ANKRD36C: variants seen among roughly 807,000 people sequenced by gnomAD.
The protein encoded by ANKRD36C is ankyrin repeat domain-containing protein 36C.
In ANKRD36C, 61 loss-of-function variants were observed where a neutral mutation model predicts 276.4. That is an observed-to-expected ratio of 0.22 (90% CI 0.18 to 0.27). ANKRD36C has a LOEUF of 0.27. Among genes scored for constraint, ANKRD36C ranks in the 10% least tolerant of loss-of-function variants. The probability of loss-of-function intolerance (pLI) is 1.00; values close to 1 mark genes in which losing one functional copy is unlikely to be tolerated. For missense variants in ANKRD36C, 1,447 were observed against 2,032.3 expected (o/e 0.71, Z 5.54); for synonymous variants, 483 against 680.1 (o/e 0.71, Z 4.51).
chr2:95,920,536 T>G lies in ANKRD36C; in HGVS notation c.2245+1071A>C, dbSNP rs111278309. On this transcript the variant is annotated intron_variant, in intron 34 of 66. Coordinates refer to ENST00000456556, the Ensembl canonical transcript of ANKRD36C. The stretch of plus-strand genomic sequence containing the variant: ...TGTAATAATTTGCCTAAGTTTCTTG[T>G]ATCCACTAGTTTATCCCTCTGAAAC... Among the ~76,000 whole-genome samples the G allele has an allele frequency of 6.8e-4, 90 of 132,266 alleles. 19 individuals are homozygous for G. The highest frequency in any genetic ancestry group is 2.3e-3 in the South Asian group (10 of 4,302). The allele number at this position is 132,266 out of a possible 152,430, so 86.8% of individuals were successfully genotyped here.
intron 59 of ANKRD36C, among the ~76,000 whole-genome samples, chr2:95,870,576 A>G (rs1675784117): frequency 6.6e-6 from 1 of 152,206 alleles, no homozygotes; most frequent in Admixed American, 6.5e-5. Context: ...AAAACAGAGC[A>G]GAAAAACTGG....
rs1479249154 is a variant in ANKRD36C, at chr2:95,946,506, C to T, written c.1363-1332G>A. ...ATTGTGGAAGTCAGTGTGGCGATTC[C>T]TCAGGGATCTAGAACTGGAAATACC... On this transcript the variant is annotated intron_variant, in intron 17 of 66. Transcript: ENST00000456556. Among the ~76,000 whole-genome samples the T allele has an allele frequency of 2.8e-5, 4 of 143,634 alleles. No individual in the cohort carries two copies. In the East Asian group the frequency reaches 8.0e-4, roughly 29 times the overall value. The allele number at this position is 143,634 out of a possible 152,430, so 94.2% of individuals were successfully genotyped here.
At chr2:95,864,091 T>C (rs1675638454) in intron 60 of ANKRD36C, among the ~76,000 whole-genome samples, 1 of 151,830 alleles carries the variant, frequency 6.6e-6, no homozygotes, top group Admixed American at 6.6e-5. Context: ...CAAAAAAATA[T>C]CTGAACCTCC....
chr2:95,991,173 C>A lies in ANKRD36C; in HGVS notation c.197+339G>T, dbSNP rs1436245790. Among the ~76,000 whole-genome samples, 12 of 133,628 alleles carry A rather than the reference C, an allele frequency of 9.0e-5. No individual in the cohort carries two copies. The East Asian group carries it at 2.5e-3, about 28-fold the overall frequency. 87.7% of individuals were successfully genotyped at this position (133,628 alleles called of 152,430 possible). On this transcript the variant is annotated intron_variant, in intron 1 of 66. Coordinates refer to ENST00000456556, the Ensembl canonical transcript of ANKRD36C. ...ATTCACCCCCACACCTCACCCCCAC[C>A]TCCAGTCCTCTATCCCATTGAACCC...
At position 95,884,508 on chromosome 2, in the gene ANKRD36C, G is replaced by A. The variant is rs533833555; in HGVS notation, c.3164-140C>T. On this transcript the variant is annotated intron_variant, in intron 52 of 66. Transcript: ENST00000456556. ...TGATGTTTCCTACTTTGTGTCTGGG[G>A]ATTGGAACATGACAGAAATACACTG... 7.9e-5 allele frequency: 112 copies of A among 1,426,422 alleles called. No homozygotes were observed. In the East Asian group the frequency reaches 2.6e-3, roughly 33 times the overall value. 88.4% of individuals were successfully genotyped at this position (1,426,422 alleles called of 1,614,324 possible).
chr2:95,960,247 T>C (rs1192772531), intron 10 of ANKRD36C, among the ~76,000 whole-genome samples: 3 of 152,042 alleles, frequency 2.0e-5, no homozygotes, highest in Non-Finnish European at 2.9e-5. Context: ...CTCCAATGGT[T>C]CTTCTTCCCA....
intron 58 of ANKRD36C, among the ~76,000 whole-genome samples, chr2:95,877,715 C>G (rs1675985494): frequency 1.2e-5 from 1 of 85,986 alleles, no homozygotes; most frequent in African/African-American, 4.6e-5. Flanking sequence ...ATCAGAGAAA[C>G]TGTTTAAAAT....
intron 6 of ANKRD36C, among the ~76,000 whole-genome samples, chr2:95,970,572 A>T (rs1357824494): frequency 6.6e-6 from 1 of 152,208 alleles, no homozygotes; most frequent in African/African-American, 2.4e-5. Flanking sequence ...AAAAACAACA[A>T]CAACAACAAC....
chr2:95,953,965 C>G (rs62154617), exon 14 of ANKRD36C: 1 of 1,494,838 alleles, frequency 6.7e-7, no homozygotes, highest in African/African-American at 1.4e-5. Context: ...AACTCATCCT[C>G]TGTCACAGGC....
At chr2:95,855,448 C>T in exon 63 of ANKRD36C, 1 of 1,612,564 alleles carries the variant, frequency 6.2e-7, no homozygotes, top group Non-Finnish European at 8.5e-7. Flanking sequence ...TCTTGATTGT[C>T]AGCTTTGTTG....
intron 60 of ANKRD36C, among the ~76,000 whole-genome samples, chr2:95,863,175 C>T (rs969096701): frequency 9.2e-5 from 14 of 152,010 alleles, no homozygotes; most frequent in African/African-American, 3.4e-4. Context: ...ATTATAGATT[C>T]TACAGATACT....
At chr2:95,921,524 T>A in intron 34 of ANKRD36C, 83 bp downstream of exon 34, 1 of 1,523,530 alleles carries the variant, frequency 6.6e-7, no homozygotes, top group Non-Finnish European at 8.8e-7. Context: ...CCCCCCCACC[T>A]GCCCTCCACT....
intron 44 of ANKRD36C, among the ~76,000 whole-genome samples, chr2:95,892,373 G>A (rs981123981): frequency 6.6e-6 from 1 of 151,442 alleles, no homozygotes. Context: ...CAGTGGAAGT[G>A]TGCTAAATTG....
At chr2:95,880,755 G>A in intron 56 of ANKRD36C, 132 bp from the exon 77 acceptor site, 1 of 1,153,430 alleles carries the variant, frequency 8.7e-7, no homozygotes, top group Non-Finnish European at 1.2e-6. Context: ...TTTCTAGTTT[G>A]TTTCTTTGGG....
chr2:95,882,161 C>T (rs1676098456), intron 56 of ANKRD36C, 141 bp downstream of exon 76: 1 of 713,948 alleles, frequency 1.4e-6, no homozygotes, highest in South Asian at 1.8e-5. Context: ...CAACACCTGA[C>T]AACTCAGTAG....
chr2:95,948,670 C>T (rs1678118459), intron 16 of ANKRD36C, 74 bp from the exon 17 acceptor site: 5 of 1,351,992 alleles, frequency 3.7e-6, no homozygotes, highest in Middle Eastern at 1.8e-4. Flanking sequence ...TCAGTCTATA[C>T]ATGCAGGTCC....
At chr2:95,854,658 T>G (rs1172465708) in intron 63 of ANKRD36C, among the ~76,000 whole-genome samples, 8 of 152,202 alleles carry the variant, frequency 5.3e-5, no homozygotes, top group South Asian at 2.1e-4. Flanking sequence ...TACTGCATTT[T>G]CCCCATATTA....
intron 46 of ANKRD36C, among the ~76,000 whole-genome samples, chr2:95,890,292 T>C (rs550850435): frequency 6.6e-6 from 1 of 151,628 alleles, no homozygotes; most frequent in Admixed American, 6.6e-5. Flanking sequence ...GACAAAGTGA[T>C]CTAAAATCAG....
At chr2:95,958,346 T>C (rs1678379511) in intron 12 of ANKRD36C, among the ~76,000 whole-genome samples, 1 of 152,062 alleles carries the variant, frequency 6.6e-6, no homozygotes, top group Non-Finnish European at 1.5e-5. Flanking sequence ...TGTTGTATCT[T>C]GAACTGCTCT....
Sources: gnomAD v4.1 joint callset for allele counts (sites outside exome capture counted in the v4.1 genomes callset) on GRCh38, gnomAD v4.1.1 for gene constraint, MANE v1.5 for transcripts, NCBI Gene and HGNC (gene_info 2026-07-23, HGNC 2026-07-21) for gene names.